Variants in SIPA1L3 observed in about 807,000 individuals in gnomAD.
The protein encoded by SIPA1L3 is signal induced proliferation associated 1 like 3, also known as signal-induced proliferation-associated 1-like protein 3.
SIPA1L3 carries 59 observed loss-of-function variants against 150.1 expected under a neutral mutation model. The observed-to-expected ratio is 0.39, with a 90% CI of 0.32 to 0.49. The LOEUF (loss-of-function observed/expected upper bound fraction) is 0.49, where lower values mean the gene tolerates loss of function less well. Ranked by LOEUF, SIPA1L3 falls within the 20% of genes least tolerant of loss-of-function variation. The pLI is 0.86. For missense variants in SIPA1L3, 2,211 were observed against 2,489.5 expected (o/e 0.89, Z 2.38); for synonymous variants, 1,070 against 1,077.6 (o/e 0.99, Z 0.14).
chr19:38,026,747 G>A (rs58236040), intron 1 of SIPA1L3, among the ~76,000 whole-genome samples: 6,468 of 152,190 alleles, frequency 0.042, 216 homozygotes, highest in East Asian at 0.11. Context: ...AGATTAGTGG[G>A]TCACGAGGTT....
chr19:37,949,219 T>A (rs1351560740), intron 1 of SIPA1L3, among the ~76,000 whole-genome samples: 1 of 152,162 alleles, frequency 6.6e-6, no homozygotes, highest in Admixed American at 6.5e-5. Context: ...TCTCTTTGGG[T>A]TTCTCCAGGC....
At position 38,101,240 on chromosome 19, in the gene SIPA1L3, C is replaced by T. The variant is rs200842305; in HGVS notation, c.2029+14C>T. 1.1e-5 allele frequency: 17 copies of T among 1,507,270 alleles called. No homozygotes were observed. In the East Asian group the frequency reaches 1.5e-4, roughly 13 times the overall value. 93.4% of individuals were successfully genotyped at this position (1,507,270 alleles called of 1,614,324 possible). ...TGGACGTCAAGAGTAAGTAGGGGGC[C>T]GGTTAGATCACAGTGAGCCACCACT... is the stretch of plus-strand genomic sequence containing the variant. On this transcript the variant is annotated intron_variant, in intron 6 of 21. Transcript: ENST00000222345.
At chr19:38,181,429 C>T (rs925542176) in intron 15 of SIPA1L3, among the ~76,000 whole-genome samples, 4 of 152,098 alleles carry the variant, frequency 2.6e-5, no homozygotes, top group Admixed American at 2.0e-4. Flanking sequence ...CCCAGGAGTT[C>T]GAGGCCAGCC....
chr19:37,933,542 A>G (rs1355228568), intron 1 of SIPA1L3, among the ~76,000 whole-genome samples: 1 of 152,208 alleles, frequency 6.6e-6, no homozygotes, highest in African/African-American at 2.4e-5. Flanking sequence ...GGCACGTGGT[A>G]GATGCGGGCT....
chr19:37,922,682 T>C (rs2046467381), intron 1 of SIPA1L3, among the ~76,000 whole-genome samples: 1 of 150,902 alleles, frequency 6.6e-6, no homozygotes, highest in African/African-American at 2.4e-5. Context: ...CGTGAGCCAC[T>C]GAGCCCGGCC....
chr19:37,916,673 C>T (rs1223853586), intron 1 of SIPA1L3, among the ~76,000 whole-genome samples: 7 of 151,806 alleles, frequency 4.6e-5, no homozygotes, highest in South Asian at 2.1e-4. Context: ...AGAAATATAA[C>T]GTGGGGCCGA....
intron 3 of SIPA1L3, among the ~76,000 whole-genome samples, chr19:38,085,349 G>A (rs192858783): frequency 0.011 from 1,613 of 152,048 alleles, 22 homozygotes; most frequent in African/African-American, 0.036. Flanking sequence ...GCATGGTGGT[G>A]GGCGCCTGTA....
At chr19:37,968,774 AAGAG>A (rs1362446155) in intron 1 of SIPA1L3, among the ~76,000 whole-genome samples, 1 of 152,210 alleles carries the variant, frequency 6.6e-6, no homozygotes, top group East Asian at 1.9e-4. Flanking sequence ...CTGGTGGAAA[AAGAG>A]AGAGTGAGTT....
At chr19:38,192,342 C>T in intron 17 of SIPA1L3, 32 bp downstream of exon 17, 12 of 1,551,622 alleles carry the variant, frequency 7.7e-6, no homozygotes, top group African/African-American at 1.4e-5. Flanking sequence ...GCTCCCGACC[C>T]CCAGCTCCCA....
chr19:38,059,595 T>C (rs1969404415), intron 2 of SIPA1L3, among the ~76,000 whole-genome samples: 1 of 152,204 alleles, frequency 6.6e-6, no homozygotes, highest in African/African-American at 2.4e-5. Flanking sequence ...AAATAACTCA[T>C]GCAATACAAA....
rs974086206 is a variant in SIPA1L3, at chr19:38,065,919, T to TTATC, written c.-310-15334_-310-15333insCTAT. ...TTTGATCTCTTATTTATTTATCTAT[T>TTATC]TATTTATTTATTTATTTATTTATTT... is the stretch of plus-strand genomic sequence containing the variant. On this transcript the variant is annotated intron_variant, in intron 2 of 21. Coordinates refer to ENST00000222345, the MANE Select transcript of SIPA1L3 (RefSeq NM_015073.3). 1.5e-4 allele frequency among the ~76,000 whole-genome samples: 16 copies of TTATC among 104,158 alleles called. 1 individual carries two copies. Among genetic ancestry groups the TTATC allele is most frequent in the Admixed American group, 9.4e-4 (10 of 10,642 alleles). The allele number at this position is 104,158 out of a possible 152,430, so 68.3% of individuals were successfully genotyped here. A position where few individuals can be genotyped will look rare whatever the true frequency, so the allele number is the denominator to read the frequency against.
At chr19:38,198,640 A>G (rs375289369) in intron 19 of SIPA1L3, 108 bp downstream of exon 19, 1 of 1,144,132 alleles carries the variant, frequency 8.7e-7, no homozygotes, top group South Asian at 3.1e-5. Context: ...AGGTTCCAGA[A>G]TCAGGGAGCA....
At chr19:37,912,739 C>T (rs1282966113) in intron 1 of SIPA1L3, among the ~76,000 whole-genome samples, 1 of 152,184 alleles carries the variant, frequency 6.6e-6, no homozygotes, top group Non-Finnish European at 1.5e-5. Context: ...TCAAATGATC[C>T]TCCCGCCTCA....
chr19:38,021,476 A>T (rs959748480), intron 1 of SIPA1L3, among the ~76,000 whole-genome samples: 1 of 151,872 alleles, frequency 6.6e-6, no homozygotes, highest in African/African-American at 2.4e-5. Context: ...ACATCTGCAT[A>T]TCTGCATTCC....
intron 1 of SIPA1L3, among the ~76,000 whole-genome samples, chr19:37,922,568 TGTTTGTA>T (rs1040435566): frequency 6.6e-6 from 1 of 151,798 alleles, no homozygotes; most frequent in African/African-American, 2.4e-5. Flanking sequence ...TAATTTTTTG[TGTTTGTA>T]GTAGAGACGG....
intron 7 of SIPA1L3, 23 bp from the exon 8 acceptor site, chr19:38,110,204 C>T: frequency 6.2e-7 from 1 of 1,611,938 alleles, no homozygotes; most frequent in Non-Finnish European, 8.5e-7. Flanking sequence ...AGGTTCCTGT[C>T]CCCCTCTGTT....
At chr19:37,986,528 C>T (rs1196400695) in intron 1 of SIPA1L3, among the ~76,000 whole-genome samples, 2 of 152,172 alleles carry the variant, frequency 1.3e-5, no homozygotes, top group Admixed American at 1.3e-4. Context: ...TATTTGATGC[C>T]AGGAAGCTGA....
chr19:38,193,931 G>T, intron 18 of SIPA1L3, 151 bp downstream of exon 18: 1 of 892,844 alleles, frequency 1.1e-6, no homozygotes, highest in Admixed American at 3.5e-5. Flanking sequence ...GGAACTTCGG[G>T]GGGCCTGATG....
In SIPA1L3 at chr19:38,082,874, G is replaced by A. The variant is rs768926864; in HGVS notation, c.1309G>A (p.Glu437Lys). Residue 437 changes from glutamate to lysine, a missense_variant, in exon 3 of 22, where the codon GAG becomes AAG. By Grantham distance (56) the Glu-to-Lys change is moderately conservative. Transcript: ENST00000222345. Reference protein sequence around the residue: ...CPHFRNEIGGECERNVSFSRA... With the variant: ...CPHFRNEIGGKCERNVSFSRA... ...GCACTTCCGCAATGAGATCGGGGGC[G>A]AGTGTGAGCGCAACGTGAGCTTCTC... is the stretch of plus-strand genomic sequence containing the variant. The A allele has an allele frequency of 2.9e-5, 46 of 1,613,434 alleles. 1 individual carries two copies. The Middle Eastern group carries it at 6.6e-4, about 23-fold the overall frequency.
Sources: allele counts gnomAD v4.1 joint callset (sites outside exome capture counted in the v4.1 genomes callset), GRCh38; gene constraint gnomAD v4.1.1; transcripts MANE v1.5; gene names NCBI Gene and HGNC (gene_info 2026-07-23, HGNC 2026-07-21).